DRC11: variants seen among roughly 807,000 people sequenced by gnomAD.
DRC11 encodes the protein IQ and AAA domain-containing protein 1.
At chr2:236,463,018 C>T in the DRC11 span, among the ~76,000 whole-genome samples, 5 of 152,172 alleles carry the variant, frequency 3.3e-5, no homozygotes, top group African/African-American at 1.2e-4. This position sits in a 1 kb window ranked among gnomAD's most constrained non-coding sequence, Gnocchi z 5.0. Flanking sequence ...ATACCACGAG[C>T]AGGAGTGGGA....
chr2:236,405,880 C>A, the DRC11 span, among the ~76,000 whole-genome samples: 4 of 152,200 alleles, frequency 2.6e-5, no homozygotes, highest in Admixed American at 1.3e-4. The surrounding 1 kb of genome is among the most constrained non-coding windows in gnomAD (Gnocchi z 4.6). Flanking sequence ...TGTAAGACTT[C>A]ATTCACACTG....
At chr2:236,389,363 G>A in the DRC11 span, among the ~76,000 whole-genome samples, 1 of 152,204 alleles carries the variant, frequency 6.6e-6, no homozygotes, top group Non-Finnish European at 1.5e-5. Context: ...ATAATCTCGT[G>A]GTGCACCGTT....
chr2:236,430,237 C>T, the DRC11 span, among the ~76,000 whole-genome samples: 2 of 151,968 alleles, frequency 1.3e-5, no homozygotes, highest in African/African-American at 2.4e-5. The surrounding 1 kb of genome is among the most constrained non-coding windows in gnomAD (Gnocchi z 6.0). Flanking sequence ...AGCACACTGG[C>T]ATTGTTGTGT....
the DRC11 span, among the ~76,000 whole-genome samples, chr2:236,445,815 T>A: frequency 6.6e-6 from 1 of 152,202 alleles, no homozygotes; most frequent in Non-Finnish European, 1.5e-5. The surrounding 1 kb of genome is among the most constrained non-coding windows in gnomAD (Gnocchi z 4.8). Context: ...TGATAGCTCT[T>A]ATCACACATA....
the DRC11 span, among the ~76,000 whole-genome samples, chr2:236,432,456 A>C: frequency 6.6e-5 from 10 of 152,126 alleles, no homozygotes. Flanking sequence ...TTTGTTTGTC[A>C]GTGTAGTTTT....
chr2:236,502,858 G>C, the DRC11 span, among the ~76,000 whole-genome samples: 2 of 151,494 alleles, frequency 1.3e-5, no homozygotes, highest in South Asian at 2.1e-4. Context: ...AAGAGGCTGA[G>C]ATGGGAGACT....
the DRC11 span, among the ~76,000 whole-genome samples, chr2:236,426,069 T>C: frequency 3.7e-3 from 559 of 152,158 alleles, 14 homozygotes; most frequent in African/African-American, 0.013. This position sits in a 1 kb window ranked among gnomAD's most constrained non-coding sequence, Gnocchi z 4.1. Context: ...GGAAGTGTGA[T>C]GTCTTTAGCT....
chr2:236,482,632 A>C, the DRC11 span, among the ~76,000 whole-genome samples: 1 of 152,216 alleles, frequency 6.6e-6, no homozygotes, highest in Non-Finnish European at 1.5e-5. The surrounding 1 kb of genome is among the most constrained non-coding windows in gnomAD (Gnocchi z 4.5). Context: ...TTCATAGTTT[A>C]GCATATCTGA....
At chr2:236,402,060 C>G in the DRC11 span, among the ~76,000 whole-genome samples, 1 of 152,202 alleles carries the variant, frequency 6.6e-6, no homozygotes, top group South Asian at 2.1e-4. The surrounding 1 kb of genome is among the most constrained non-coding windows in gnomAD (Gnocchi z 6.0). Context: ...TTGGACTCTC[C>G]CCAGTGCGTG....
chr2:236,422,193 G>T, the DRC11 span, among the ~76,000 whole-genome samples: 1 of 152,308 alleles, frequency 6.6e-6, no homozygotes, highest in East Asian at 1.9e-4. Flanking sequence ...CATAGTATTG[G>T]AAGTTCTGGC....
the DRC11 span, chr2:236,465,423 T>C: frequency 2.7e-5 from 32 of 1,170,570 alleles, no homozygotes; most frequent in Non-Finnish European, 3.9e-5. The surrounding 1 kb of genome is among the most constrained non-coding windows in gnomAD (Gnocchi z 6.2). Flanking sequence ...TCTATATCAA[T>C]ATGCTTCTGT....
At chr2:236,392,241 T>TACC in the DRC11 span, 2 of 1,567,196 alleles carry the variant, frequency 1.3e-6, no homozygotes, top group Non-Finnish European at 1.7e-6. The surrounding 1 kb of genome is among the most constrained non-coding windows in gnomAD (Gnocchi z 5.1). Flanking sequence ...AACGTAGCTG[T>TACC]ACCTGTATCC....
chr2:236,402,649 AG>A, the DRC11 span, among the ~76,000 whole-genome samples: 1 of 152,168 alleles, frequency 6.6e-6, no homozygotes, highest in African/African-American at 2.4e-5. This position sits in a 1 kb window ranked among gnomAD's most constrained non-coding sequence, Gnocchi z 6.0. Context: ...CAGAAACACC[AG>A]GGGGCCCAAA....
the DRC11 span, among the ~76,000 whole-genome samples, chr2:236,371,381 C>G: frequency 6.6e-6 from 1 of 152,126 alleles, no homozygotes; most frequent in Non-Finnish European, 1.5e-5. The surrounding 1 kb of genome is among the most constrained non-coding windows in gnomAD (Gnocchi z 5.1). Context: ...GTCCTCATCT[C>G]GTTAATGCTC....
At chr2:236,379,923 G>A in the DRC11 span, among the ~76,000 whole-genome samples, 3 of 152,236 alleles carry the variant, frequency 2.0e-5, no homozygotes, top group Admixed American at 6.5e-5. Flanking sequence ...ACAGTGGAGC[G>A]ACAGGTGTTG....
At chr2:236,432,783 AT>A in the DRC11 span, among the ~76,000 whole-genome samples, 568 of 151,138 alleles carry the variant, frequency 3.8e-3, 8 homozygotes, top group African/African-American at 0.013. Context: ...GAATTTATCA[AT>A]TTTTTTTTCT....
chr2:236,426,380 T>C, the DRC11 span, among the ~76,000 whole-genome samples: 3 of 152,044 alleles, frequency 2.0e-5, no homozygotes, highest in Non-Finnish European at 4.4e-5. The surrounding 1 kb of genome is among the most constrained non-coding windows in gnomAD (Gnocchi z 4.1). Flanking sequence ...AATTTATACC[T>C]AAATTAAAAG....
At chr2:236,383,928 T>C in the DRC11 span, among the ~76,000 whole-genome samples, 1 of 151,362 alleles carries the variant, frequency 6.6e-6, no homozygotes, top group Non-Finnish European at 1.5e-5. Context: ...GGTTTTTTGT[T>C]CTTGCGATAG....
the DRC11 span, among the ~76,000 whole-genome samples, chr2:236,422,604 A>G: frequency 1.3e-5 from 2 of 152,354 alleles, no homozygotes; most frequent in South Asian, 2.1e-4. Flanking sequence ...AAGAATCAAT[A>G]TCGTGAAAAT....
Sources: allele counts gnomAD v4.1 joint callset (sites outside exome capture counted in the v4.1 genomes callset), GRCh38; gene constraint gnomAD v4.1.1; non-coding constraint Gnocchi (gnomAD v3.1); transcripts MANE v1.5; gene names NCBI Gene and HGNC (gene_info 2026-07-23, HGNC 2026-07-21).